The following RGS6 variants were observed in gnomAD, a reference collection of about 807,000 sequenced individuals.
The protein encoded by RGS6 is regulator of G-protein signaling 6.
RGS6 carries 30 observed loss-of-function variants against 78.5 expected under a neutral mutation model. That is an observed-to-expected ratio of 0.38 (90% CI 0.29 to 0.52). RGS6 has a LOEUF of 0.52. Among genes scored for constraint, RGS6 ranks in the 20% least tolerant of loss-of-function variants. The pLI is 0.85. For missense variants in RGS6, 495 were observed against 609.7 expected, an observed-to-expected ratio of 0.81 and a Z score of 1.98; for synonymous variants, 206 against 206.0, an observed-to-expected ratio of 1.00 and a Z score of 0.00.
chr14:72,124,923 G>A lies in RGS6; in HGVS notation c.84+160048G>A, dbSNP rs569304129. Among the ~76,000 whole-genome samples, 17 of 152,294 alleles carry A rather than the reference G, an allele frequency of 1.1e-4. No individual in the cohort carries two copies. In the East Asian group the frequency reaches 2.3e-3, roughly 21 times the overall value. On this transcript the variant is annotated intron_variant, in intron 2 of 17. Transcript: ENST00000553525. ...AAGTCAGATAAACAACATAAGAGAAGGTGGCAGTGCTAGAGATGGGGATGA... is the reference window on the plus strand; with the variant it reads ...AAGTCAGATAAACAACATAAGAGAAAGTGGCAGTGCTAGAGATGGGGATGA...
intron 2 of RGS6, among the ~76,000 whole-genome samples, chr14:72,284,604 G>A (rs1378747477): frequency 1.3e-5 from 2 of 152,204 alleles, no homozygotes; most frequent in African/African-American, 2.4e-5. Flanking sequence ...TAGGGGTGGG[G>A]CCCTCATGGA....
chr14:72,305,628 C>G (rs773739452), intron 2 of RGS6, among the ~76,000 whole-genome samples: 1 of 152,142 alleles, frequency 6.6e-6, no homozygotes, highest in African/African-American at 2.4e-5. Flanking sequence ...AGATGGAGAA[C>G]TTAATAAATG....
intron 2 of RGS6, among the ~76,000 whole-genome samples, chr14:72,304,208 G>A (rs2066726887): frequency 6.6e-6 from 1 of 152,220 alleles, no homozygotes; most frequent in African/African-American, 2.4e-5. Flanking sequence ...GGCTGCAAGT[G>A]TATGTGACTA....
chr14:72,236,203 T>C (rs2050968770), intron 2 of RGS6, among the ~76,000 whole-genome samples: 1 of 152,214 alleles, frequency 6.6e-6, no homozygotes, highest in Non-Finnish European at 1.5e-5. Context: ...AATTGTTCAG[T>C]GGGTCCCCTG....
intron 6 of RGS6, among the ~76,000 whole-genome samples, chr14:72,460,197 G>A (rs1025161923): frequency 3.3e-5 from 5 of 152,212 alleles, no homozygotes; most frequent in African/African-American, 1.2e-4. Context: ...AATAGAGTGG[G>A]TGAAGTTGAG....
intron 3 of RGS6, among the ~76,000 whole-genome samples, chr14:72,402,544 C>G (rs1024800750): frequency 2.6e-5 from 4 of 151,982 alleles, no homozygotes; most frequent in African/African-American, 7.2e-5. Flanking sequence ...CAAATAAAAA[C>G]CACAGTGAGA....
Position 72,470,091 on chromosome 14 carries a change from A to G in RGS6, c.536+8A>G. ...AGCAGAAGCACAAGTAAAGTAGGTG[A>G]ACTTGATAGAGACCTTTTCAGAGAG... On this transcript the variant is annotated splice_region_variant and intron_variant, in intron 8 of 17. Coordinates refer to ENST00000553525, the MANE Select transcript of RGS6 (RefSeq NM_001204424.2). 6.3e-7 allele frequency: 1 copy of G among 1,599,194 alleles called. No homozygotes were observed. Among genetic ancestry groups the G allele is most frequent in the Non-Finnish European group, 8.6e-7 (1 of 1,166,724 alleles).
chr14:72,539,991 A>ATTT, intron 16 of RGS6, 50 bp from the exon 17 acceptor site: 1 of 1,314,166 alleles, frequency 7.6e-7, no homozygotes, highest in Non-Finnish European at 1.0e-6. Flanking sequence ...TAAGCTGAAG[A>ATTT]TTTTTTTTTT....
At chr14:72,368,198 G>A (rs2082785804) in intron 3 of RGS6, among the ~76,000 whole-genome samples, 2 of 152,184 alleles carry the variant, frequency 1.3e-5, no homozygotes, top group Admixed American at 1.3e-4. Context: ...AATGGAAGGT[G>A]CATGTGTGTG....
intron 2 of RGS6, among the ~76,000 whole-genome samples, chr14:72,335,527 C>T (rs1162540603): frequency 2.0e-5 from 3 of 152,164 alleles, no homozygotes; most frequent in East Asian, 1.9e-4. Context: ...ACAGCTTGGC[C>T]GTGACAGCCT....
chr14:72,356,768 C>T (rs1025640272), intron 3 of RGS6, among the ~76,000 whole-genome samples: 2 of 152,188 alleles, frequency 1.3e-5, no homozygotes, highest in Non-Finnish European at 2.9e-5. Context: ...CTCTGCACTT[C>T]TCCTTGCTGC....
chr14:72,027,985 C>A (rs1676251118), intron 2 of RGS6, among the ~76,000 whole-genome samples: 1 of 152,156 alleles, frequency 6.6e-6, no homozygotes, highest in African/African-American at 2.4e-5. Context: ...CATACACACT[C>A]ATTGTTTTCG....
chr14:71,867,735 A>G, the RGS6 span, among the ~76,000 whole-genome samples: 2 of 152,178 alleles, frequency 1.3e-5, no homozygotes, highest in Admixed American at 1.3e-4. Flanking sequence ...CACACATCTT[A>G]TTCCTAGAGG....
At chr14:72,247,271 C>T (rs1002335787) in intron 2 of RGS6, among the ~76,000 whole-genome samples, 4 of 152,042 alleles carry the variant, frequency 2.6e-5, no homozygotes, top group Non-Finnish European at 5.9e-5. Flanking sequence ...TTGGGGTTAG[C>T]CTTATATTTC....
chr14:72,578,847 A>T, the RGS6 span, among the ~76,000 whole-genome samples: 1 of 152,184 alleles, frequency 6.6e-6, no homozygotes, highest in Non-Finnish European at 1.5e-5. Flanking sequence ...GATGAAAGGG[A>T]TGTTGAGGGG....
chr14:72,495,291 G>A (rs572529716), intron 13 of RGS6, 29 bp downstream of exon 13: 1 of 1,368,190 alleles, frequency 7.3e-7, no homozygotes, highest in African/African-American at 1.4e-5. Flanking sequence ...TTTGGGAGTG[G>A]GATGAATGTA....
At chr14:71,979,830 C>T (rs2094352204) in intron 2 of RGS6, among the ~76,000 whole-genome samples, 4 of 151,774 alleles carry the variant, frequency 2.6e-5, no homozygotes, top group East Asian at 1.9e-4. Flanking sequence ...GACTTTCTAT[C>T]TCATTGATCT....
At chr14:72,422,300 C>T (rs1003391682) in intron 3 of RGS6, among the ~76,000 whole-genome samples, 3 of 152,078 alleles carry the variant, frequency 2.0e-5, no homozygotes, top group African/African-American at 4.8e-5. Flanking sequence ...AAATAAAATT[C>T]TTATATACTT....
intron 17 of RGS6, among the ~76,000 whole-genome samples, chr14:72,546,152 T>C (rs918369866): frequency 3.3e-5 from 5 of 152,208 alleles, no homozygotes; most frequent in African/African-American, 1.2e-4. Flanking sequence ...AATAAGAGTA[T>C]GAGAGACAGT....
Sources: gnomAD v4.1 joint callset for allele counts (sites outside exome capture counted in the v4.1 genomes callset) on GRCh38, gnomAD v4.1.1 for gene constraint, MANE v1.5 for transcripts, NCBI Gene and HGNC (gene_info 2026-07-23, HGNC 2026-07-21) for gene names.